FANCL: variants seen among roughly 807,000 people sequenced by gnomAD.
FANCL encodes E3 ubiquitin-protein ligase FANCL.
FANCL carries 69 observed loss-of-function variants against 59.4 expected under a neutral mutation model. The ratio of observed to expected loss-of-function variants is 1.16; its 90% CI spans 0.96 to 1.42. The LOEUF (loss-of-function observed/expected upper bound fraction) is 1.42, where lower values mean the gene tolerates loss of function less well. Ranked by LOEUF, FANCL falls within the 40% of genes most tolerant of loss-of-function variation. The probability of loss-of-function intolerance (pLI) is 0.00; values close to 1 mark genes in which losing one functional copy is unlikely to be tolerated. For synonymous variants in FANCL, 180 were observed against 147.1 expected (o/e 1.22, Z -1.62); for missense variants, 519 against 447.2 (o/e 1.16, Z -1.45).
chr2:58,182,429 C>G (rs1180968235), intron 7 of FANCL, among the ~76,000 whole-genome samples: 1 of 151,908 alleles, frequency 6.6e-6, no homozygotes, highest in East Asian at 1.9e-4. Flanking sequence ...ATACAATTCA[C>G]AAAAAGAAAG....
intron 1 of FANCL, among the ~76,000 whole-genome samples, chr2:58,238,932 C>T (rs959408074): frequency 4.6e-5 from 7 of 151,980 alleles, no homozygotes; most frequent in Non-Finnish European, 8.8e-5. Flanking sequence ...GCTCACTGGC[C>T]AAATCTGGGA....
intron 5 of FANCL, among the ~76,000 whole-genome samples, chr2:58,211,288 G>A (rs1691128078): frequency 6.7e-6 from 1 of 149,238 alleles, no homozygotes; most frequent in Non-Finnish European, 1.5e-5. Context: ...CTTGGGGTTT[G>A]CACCCTCTGC....
chr2:58,207,867 G>T (rs183922039), intron 5 of FANCL, among the ~76,000 whole-genome samples: 1 of 152,242 alleles, frequency 6.6e-6, no homozygotes, highest in East Asian at 1.9e-4. Context: ...GACCAGCCTG[G>T]GCGACACAGT....
intron 6 of FANCL, 122 bp downstream of exon 6, chr2:58,204,008 G>A (rs2105146106): frequency 2.5e-6 from 2 of 807,984 alleles, no homozygotes; most frequent in East Asian, 5.0e-5. Context: ...CAAAATCAAT[G>A]TTTTAAAGCA....
chr2:58,235,882 T>A (rs1358831557), intron 1 of FANCL, among the ~76,000 whole-genome samples: 1 of 151,884 alleles, frequency 6.6e-6, no homozygotes, highest in Non-Finnish European at 1.5e-5. Flanking sequence ...CAACAGCAGA[T>A]TCCACCTTAC....
chr2:58,165,686 A>G (rs761689573), intron 8 of FANCL, 38 bp downstream of exon 8: 37 of 1,612,738 alleles, frequency 2.3e-5, no homozygotes, highest in Non-Finnish European at 3.1e-5. Context: ...ACAAAATAAA[A>G]CACCTAAAAA....
At chr2:58,218,677 A>C (rs1468036954) in intron 5 of FANCL, among the ~76,000 whole-genome samples, 1 of 151,790 alleles carries the variant, frequency 6.6e-6, no homozygotes, top group East Asian at 1.9e-4. Context: ...TCACCCATGG[A>C]GGTACAGATT....
intron 5 of FANCL, among the ~76,000 whole-genome samples, chr2:58,212,219 T>C (rs1382973752): frequency 6.6e-6 from 1 of 152,182 alleles, no homozygotes; most frequent in Non-Finnish European, 1.5e-5. Flanking sequence ...CTTACATGGA[T>C]GGCAGCAGGC....
chr2:58,171,243 G>C (rs1686574425), intron 7 of FANCL, among the ~76,000 whole-genome samples: 1 of 152,132 alleles, frequency 6.6e-6, no homozygotes, highest in Admixed American at 6.5e-5. Context: ...CAACTACATA[G>C]AAACTGAACA....
chr2:58,217,199 TATATATATATATATATACACACACAC>T (rs1490833107), intron 5 of FANCL, among the ~76,000 whole-genome samples: 104 of 9,680 alleles, frequency 0.011, 7 homozygotes, highest in Middle Eastern at 0.071. Context: ...TATATATATA[TATATATATATATATATACACACACAC>T]ACACACACAC....
At chr2:58,166,616 C>A (rs1685979219) in intron 7 of FANCL, among the ~76,000 whole-genome samples, 1 of 152,168 alleles carries the variant, frequency 6.6e-6, no homozygotes, top group Non-Finnish European at 1.5e-5. Flanking sequence ...CAACTGCTTA[C>A]TAAATACTTT....
chr2:58,235,783 C>T (rs955462051), intron 1 of FANCL, among the ~76,000 whole-genome samples: 29 of 151,746 alleles, frequency 1.9e-4, no homozygotes, highest in Non-Finnish European at 3.2e-4. Flanking sequence ...AAAACATGAG[C>T]GTACTAAATA....
intron 5 of FANCL, among the ~76,000 whole-genome samples, chr2:58,208,408 T>A (rs6709533): frequency 0.14 from 22,002 of 152,172 alleles, 1,945 homozygotes; most frequent in African/African-American, 0.25. Context: ...GTTAAATTTT[T>A]TAAACATTTA....
chr2:58,241,187 C>G (rs769259739), intron 1 of FANCL, 31 bp downstream of exon 1: 2 of 1,611,204 alleles, frequency 1.2e-6, no homozygotes, highest in African/African-American at 2.7e-5. Context: ...AAGAGGCTCT[C>G]TTAGCTAGAA....
chr2:58,189,106 A>G (rs1688682124), intron 7 of FANCL, among the ~76,000 whole-genome samples: 1 of 152,154 alleles, frequency 6.6e-6, no homozygotes, highest in Non-Finnish European at 1.5e-5. Context: ...GAAGGTTGAG[A>G]AGGACTAAAG....
chr2:58,239,963 A>C (rs1391139609), intron 1 of FANCL, among the ~76,000 whole-genome samples: 1 of 152,222 alleles, frequency 6.6e-6, no homozygotes, highest in African/African-American at 2.4e-5. Flanking sequence ...GCAGGTACAA[A>C]TTGGAATTCT....
intron 7 of FANCL, among the ~76,000 whole-genome samples, chr2:58,171,755 C>A (rs946964202): frequency 3.9e-5 from 6 of 152,182 alleles, no homozygotes; most frequent in Non-Finnish European, 1.5e-5. Flanking sequence ...ACAGTGGGCG[C>A]AAGACAGTGG....
chr2:58,169,159 AG>A (rs555951074), intron 7 of FANCL, among the ~76,000 whole-genome samples: 35 of 152,304 alleles, frequency 2.3e-4, no homozygotes, highest in African/African-American at 8.2e-4. Flanking sequence ...GGAGAGCTCC[AG>A]CTGGCATCTG....
intron 6 of FANCL, 72 bp downstream of exon 6, chr2:58,204,058 A>C: frequency 8.9e-7 from 1 of 1,128,106 alleles, no homozygotes; most frequent in African/African-American, 1.5e-5. Flanking sequence ...ACTTCTTTAC[A>C]TTGAGAGCAT....
Sources: allele counts gnomAD v4.1 joint callset (sites outside exome capture counted in the v4.1 genomes callset), GRCh38; gene constraint gnomAD v4.1.1; transcripts MANE v1.5; gene names NCBI Gene and HGNC (gene_info 2026-07-23, HGNC 2026-07-21).